Variants in NALF1 observed in about 807,000 individuals in gnomAD.
NALF1 encodes the protein NALCN channel auxiliary factor 1.
A neutral mutation model predicts 48.4 loss-of-function variants in NALF1; 3 were observed. The ratio of observed to expected loss-of-function variants is 0.06; its 90% CI spans 0.03 to 0.16. NALF1 has a LOEUF of 0.16. Among genes scored for constraint, NALF1 ranks in the 10% least tolerant of loss-of-function variants. The probability of loss-of-function intolerance (pLI) is 1.00; values close to 1 mark genes in which losing one functional copy is unlikely to be tolerated. For synonymous variants in NALF1, 262 were observed against 245.7 expected (o/e 1.07, Z -0.62); for missense variants, 526 against 571.5 (o/e 0.92, Z 0.81).
rs1218355167 is a variant in NALF1, at chr13:107,866,406, A to G, written c.191T>C (p.Leu64Pro). ...GTGCTCCTTGTCCCGGGCCCGGGTC[A>G]GCTTGGCCTCGGCGCAGAACCACAA... ...DHLWFCAEAK[L>P]TRARDKEHQQ... Residue 64 changes from leucine (L) to proline (P), a missense_variant, in exon 1 of 3, where the codon CTG becomes CCG. This residue lies in a region of NALF1 where 373 missense variants were observed against 355.5 expected (regional missense o/e 1.05). Transcript: ENST00000375915. The surrounding 1 kb of genome is among the most constrained non-coding windows in gnomAD (Gnocchi z 4.4). 2.5e-6 allele frequency: 4 copies of G among 1,613,916 alleles called. No individual in the cohort carries two copies. Among genetic ancestry groups the G allele is most frequent in the Non-Finnish European group, 2.5e-6 (3 of 1,179,992 alleles).
intron 1 of NALF1, among the ~76,000 whole-genome samples, chr13:107,453,117 C>G (rs1299933804): frequency 1.3e-5 from 2 of 152,206 alleles, no homozygotes; most frequent in East Asian, 3.9e-4. Context: ...TCCAGGCACA[C>G]AGTCCAATCT....
At position 107,388,575 on chromosome 13, in the gene NALF1, C is replaced by T. The variant is rs115880382; in HGVS notation, c.916-177820G>A. On this transcript the variant is annotated intron_variant, in intron 1 of 2. Transcript: ENST00000375915. ...GTGCCACACAAGACACATCAGGTAT[C>T]GTTCAACACAAGAGTTTACAAACTA... 6.7e-3 allele frequency among the ~76,000 whole-genome samples: 1,019 copies of T among 152,262 alleles called. 12 individuals carry two copies. The highest frequency in any genetic ancestry group is 0.024 in the African/African-American group (985 of 41,540).
chr13:107,539,401 C>T (rs1876934479), intron 1 of NALF1, among the ~76,000 whole-genome samples: 1 of 150,456 alleles, frequency 6.6e-6, no homozygotes, highest in Non-Finnish European at 1.5e-5. Flanking sequence ...TTGAAGAGGG[C>T]TCTGCCCTTG....
intron 1 of NALF1, among the ~76,000 whole-genome samples, chr13:107,383,026 T>C (rs575008806): frequency 6.6e-6 from 1 of 152,306 alleles, no homozygotes; most frequent in East Asian, 1.9e-4. Flanking sequence ...GATTGATACC[T>C]GGGACATACA....
chr13:107,519,554 C>T (rs1001002504), intron 1 of NALF1, among the ~76,000 whole-genome samples: 8 of 152,088 alleles, frequency 5.3e-5, no homozygotes, highest in African/African-American at 1.7e-4. Flanking sequence ...TTCCGTCTGT[C>T]CATTATTATG....
intron 1 of NALF1, among the ~76,000 whole-genome samples, chr13:107,693,736 TATAAA>T (rs1194817489): frequency 2.0e-5 from 3 of 152,098 alleles, no homozygotes; most frequent in Non-Finnish European, 4.4e-5. Flanking sequence ...ATGAATCGAA[TATAAA>T]ATGTTTCCCC....
chr13:107,456,275 C>A, intron 1 of NALF1, among the ~76,000 whole-genome samples: 1 of 152,106 alleles, frequency 6.6e-6, no homozygotes, highest in East Asian at 1.9e-4. Flanking sequence ...TGTGAAACTA[C>A]AAGGCATGAA....
At chr13:107,204,130 C>T (rs550550357) in intron 2 of NALF1, among the ~76,000 whole-genome samples, 1 of 151,712 alleles carries the variant, frequency 6.6e-6, no homozygotes, top group Non-Finnish European at 1.5e-5. Context: ...TCTCCCTGCT[C>T]TCCAACGAGC....
At chr13:107,453,819 TAAA>T (rs543553184) in intron 1 of NALF1, among the ~76,000 whole-genome samples, 7 of 152,224 alleles carry the variant, frequency 4.6e-5, no homozygotes, top group Non-Finnish European at 1.0e-4. Context: ...TGTGAATGCA[TAAA>T]ACTTAATGCT....
At chr13:107,487,264 G>A (rs1161636335) in intron 1 of NALF1, among the ~76,000 whole-genome samples, 2 of 152,024 alleles carry the variant, frequency 1.3e-5, no homozygotes, top group East Asian at 3.8e-4. Flanking sequence ...ACTAAGAATG[G>A]GCAAAGCACT....
intron 1 of NALF1, among the ~76,000 whole-genome samples, chr13:107,408,676 A>T (rs1883941121): frequency 6.6e-6 from 1 of 152,130 alleles, no homozygotes; most frequent in Non-Finnish European, 1.5e-5. Context: ...CTTAATGAAA[A>T]GTCATGATCA....
intron 1 of NALF1, among the ~76,000 whole-genome samples, chr13:107,224,906 T>C (rs1880070394): frequency 6.6e-6 from 1 of 152,178 alleles, no homozygotes; most frequent in Non-Finnish European, 1.5e-5. Context: ...AAAACAACAA[T>C]AACAACAGAA....
rs78459712 is a variant in NALF1, at chr13:107,530,065, T to C, written c.916-319310A>G. On this transcript the variant is annotated intron_variant, in intron 1 of 2. Coordinates refer to ENST00000375915, the MANE Select transcript of NALF1 (RefSeq NM_001080396.3). Reference sequence around the variant, plus strand: ...GCCTTCTTTCCACAGCTCACTCTTATTCAGCAATATGGGCTCCCTTAGCTC... The same window carrying C: ...GCCTTCTTTCCACAGCTCACTCTTACTCAGCAATATGGGCTCCCTTAGCTC... Among the ~76,000 whole-genome samples, 49 of 152,242 alleles carry C rather than the reference T, an allele frequency of 3.2e-4. 1 individual carries two copies. In the East Asian group the frequency reaches 6.2e-3, roughly 19 times the overall value.
chr13:107,544,342 C>T (rs1877077268), intron 1 of NALF1, among the ~76,000 whole-genome samples: 1 of 151,982 alleles, frequency 6.6e-6, no homozygotes, highest in Non-Finnish European at 1.5e-5. Flanking sequence ...TTTTAATATG[C>T]CATATATTCC....
chr13:107,221,303 C>A (rs1243912644), intron 1 of NALF1, among the ~76,000 whole-genome samples: 3 of 152,168 alleles, frequency 2.0e-5, no homozygotes, highest in Non-Finnish European at 2.9e-5. Flanking sequence ...CAAGGCCAGG[C>A]ATGGTGGCTC....
At chr13:107,592,276 G>C (rs1878620521) in intron 1 of NALF1, among the ~76,000 whole-genome samples, 1 of 151,800 alleles carries the variant, frequency 6.6e-6, no homozygotes, top group African/African-American at 2.4e-5. Context: ...GGCAAAACTA[G>C]TTAAACTTCA....
chr13:107,281,670 C>T (rs1340622551), intron 1 of NALF1, among the ~76,000 whole-genome samples: 2 of 152,114 alleles, frequency 1.3e-5, no homozygotes, highest in African/African-American at 4.8e-5. Context: ...TTTCACACTG[C>T]TATAAAGAAC....
At chr13:107,648,195 A>G (rs1003027907) in intron 1 of NALF1, among the ~76,000 whole-genome samples, 6 of 152,126 alleles carry the variant, frequency 3.9e-5, no homozygotes, top group African/African-American at 1.4e-4. Flanking sequence ...GATTAACTGA[A>G]TTCCCTCATT....
At chr13:107,329,777 A>T (rs192095963) in intron 1 of NALF1, among the ~76,000 whole-genome samples, 11 of 151,578 alleles carry the variant, frequency 7.3e-5, no homozygotes, top group Non-Finnish European at 1.5e-4. Context: ...TCCTTGCAAT[A>T]GTTTGCTGAG....
Sources: allele counts gnomAD v4.1 joint callset (sites outside exome capture counted in the v4.1 genomes callset), GRCh38; gene constraint gnomAD v4.1.1; regional missense constraint gnomAD v4.1.1; non-coding constraint Gnocchi (gnomAD v3.1); transcripts MANE v1.5; gene names NCBI Gene and HGNC (gene_info 2026-07-23, HGNC 2026-07-21).